Variants in CAPSL observed in about 807,000 individuals in gnomAD.
The protein encoded by CAPSL is calcyphosin-like protein.
Under a neutral mutation model 21.3 loss-of-function variants are expected in CAPSL, and 17 were observed. That is an observed-to-expected ratio of 0.80 (90% CI 0.55 to 1.20). CAPSL has a LOEUF of 1.20. Ranked by LOEUF, CAPSL falls within the 50% of genes most tolerant of loss-of-function variation. The pLI is 0.00. For synonymous variants in CAPSL, 102 were observed against 89.3 expected, an observed-to-expected ratio of 1.14 and a Z score of -0.80; for missense variants, 289 against 259.3, an observed-to-expected ratio of 1.11 and a Z score of -0.79.
intron 1 of CAPSL, among the ~76,000 whole-genome samples, chr5:35,934,484 G>A (rs761585703): frequency 3.9e-5 from 6 of 152,216 alleles, no homozygotes; most frequent in Non-Finnish European, 8.8e-5. Flanking sequence ...TCCATAAACT[G>A]TGTTAACCAC....
chr5:35,934,349 A>G (rs1318332984), intron 1 of CAPSL, among the ~76,000 whole-genome samples: 3 of 152,144 alleles, frequency 2.0e-5, no homozygotes, highest in Non-Finnish European at 4.4e-5. Flanking sequence ...TCCTTATTCA[A>G]TTATAAGCCT....
chr5:35,904,749 T>C, intron 4 of CAPSL, 103 bp from the exon 5 acceptor site: 1 of 1,510,378 alleles, frequency 6.6e-7, no homozygotes. Context: ...AGAGGATTTC[T>C]TTGTGTATGT....
chr5:35,927,456 A>G (rs77929637), intron 1 of CAPSL, among the ~76,000 whole-genome samples: 1,868 of 152,334 alleles, frequency 0.012, 47 homozygotes, highest in African/African-American at 0.043. Context: ...TGGGGAGAGA[A>G]GAAAGGAGAA....
chr5:35,930,847 C>A (rs564365937), intron 1 of CAPSL, among the ~76,000 whole-genome samples: 1 of 152,208 alleles, frequency 6.6e-6, no homozygotes, highest in South Asian at 2.1e-4. Context: ...GGCACAGGAA[C>A]CAGTTCTAGC....
chr5:35,926,424 A>T (rs543511799), intron 1 of CAPSL, among the ~76,000 whole-genome samples: 101 of 152,186 alleles, frequency 6.6e-4, no homozygotes, highest in African/African-American at 2.4e-3. Context: ...AGGCTGTCTC[A>T]TTCCACTGTC....
intron 4 of CAPSL, among the ~76,000 whole-genome samples, chr5:35,909,531 T>C (rs558660516): frequency 6.6e-6 from 1 of 152,312 alleles, no homozygotes; most frequent in South Asian, 2.1e-4. Context: ...ACTAGCTGAG[T>C]ATGGTAAATA....
intron 1 of CAPSL, among the ~76,000 whole-genome samples, chr5:35,932,535 A>C (rs1026134126): frequency 6.6e-6 from 1 of 152,180 alleles, no homozygotes; most frequent in Non-Finnish European, 1.5e-5. Context: ...CAGCCACTCC[A>C]AAGGAGTCTG....
In CAPSL at chr5:35,905,974, G is replaced by A. The variant is rs560321490; in HGVS notation, c.526-1328C>T. Reference sequence around the variant, plus strand: ...TGTGCACACTACAGTAATTTAACTGGGAATATCAAAGATAATTAAGATAAA... The same window carrying A: ...TGTGCACACTACAGTAATTTAACTGAGAATATCAAAGATAATTAAGATAAA... On this transcript the variant is annotated intron_variant, in intron 4 of 4. Coordinates refer to ENST00000651391, the MANE Select transcript of CAPSL (RefSeq NM_001042625.2). Among the ~76,000 whole-genome samples the A allele has an allele frequency of 2.0e-5, 3 of 152,162 alleles. No homozygotes were observed. In the East Asian group the frequency reaches 5.8e-4, roughly 29 times the overall value.
At chr5:35,917,275 A>C (rs949607487) in intron 2 of CAPSL, among the ~76,000 whole-genome samples, 6 of 152,210 alleles carry the variant, frequency 3.9e-5, no homozygotes, top group African/African-American at 9.6e-5. Context: ...GTGGGACTGT[A>C]AACTAGTTCA....
chr5:35,910,661 T>C (rs113992481), intron 2 of CAPSL, 118 bp from the exon 3 acceptor site: 10 of 742,266 alleles, frequency 1.3e-5, no homozygotes, highest in African/African-American at 1.2e-4. Flanking sequence ...AAGTCTTAAA[T>C]TCTTCTCTGC....
intron 1 of CAPSL, among the ~76,000 whole-genome samples, chr5:35,926,241 G>A (rs1388012116): frequency 6.6e-6 from 1 of 152,192 alleles, no homozygotes; most frequent in Admixed American, 6.5e-5. Flanking sequence ...GAGATGGCCA[G>A]TGGCAGAACG....
chr5:35,926,602 T>G (rs570436199), intron 1 of CAPSL, among the ~76,000 whole-genome samples: 2 of 152,326 alleles, frequency 1.3e-5, no homozygotes, highest in African/African-American at 4.8e-5. Context: ...AGGGAACTGC[T>G]CTAGCCCTAG....
At chr5:35,929,596 C>T (rs914041680) in intron 1 of CAPSL, among the ~76,000 whole-genome samples, 1 of 152,138 alleles carries the variant, frequency 6.6e-6, no homozygotes, top group African/African-American at 2.4e-5. Context: ...GCCTTGAAAA[C>T]AGTTCTAAGT....
chr5:35,921,795 T>G (rs976498258), intron 1 of CAPSL, among the ~76,000 whole-genome samples: 4 of 152,060 alleles, frequency 2.6e-5, no homozygotes, highest in African/African-American at 9.7e-5. Flanking sequence ...TAGTCCTGAC[T>G]CTTCAATCCC....
intron 2 of CAPSL, among the ~76,000 whole-genome samples, chr5:35,910,996 A>G (rs1024511384): frequency 6.6e-6 from 1 of 152,258 alleles, no homozygotes; most frequent in African/African-American, 2.4e-5. Context: ...TGATGTGGCT[A>G]TGTTAGGGAT....
At chr5:35,911,035 A>G (rs1031769579) in intron 2 of CAPSL, among the ~76,000 whole-genome samples, 2 of 152,366 alleles carry the variant, frequency 1.3e-5, no homozygotes, top group East Asian at 3.9e-4. Flanking sequence ...AGCTCTCAAG[A>G]TCAAGGCTGG....
intron 4 of CAPSL, among the ~76,000 whole-genome samples, chr5:35,909,086 GT>G (rs34466604): frequency 0.69 from 100,538 of 144,786 alleles, 34,738 homozygotes; most frequent in South Asian, 0.87. Context: ...CTGGCTCAGG[GT>G]TTTTTTTTTT....
intron 1 of CAPSL, among the ~76,000 whole-genome samples, chr5:35,925,577 G>A (rs1303969237): frequency 1.3e-5 from 2 of 152,008 alleles, no homozygotes; most frequent in Admixed American, 6.5e-5. Context: ...CTGACCAGGC[G>A]GGCAGCCATC....
intron 1 of CAPSL, among the ~76,000 whole-genome samples, chr5:35,928,127 G>C (rs1738730691): frequency 6.6e-6 from 1 of 152,168 alleles, no homozygotes; most frequent in African/African-American, 2.4e-5. Context: ...GGGGATAAAT[G>C]CTGTGTCTTC....
Sources: allele counts gnomAD v4.1 joint callset (sites outside exome capture counted in the v4.1 genomes callset), GRCh38; gene constraint gnomAD v4.1.1; transcripts MANE v1.5; gene names NCBI Gene and HGNC (gene_info 2026-07-23, HGNC 2026-07-21).